Variants in PAX2 observed in about 807,000 individuals in gnomAD.
PAX2 encodes the protein paired box 2, also known as paired box protein Pax-2.
A neutral mutation model predicts 41.7 loss-of-function variants in PAX2; 9 were observed. That is an observed-to-expected ratio of 0.22 (90% CI 0.13 to 0.38). The LOEUF is 0.38. Among genes scored for constraint, PAX2 ranks in the 10% least tolerant of loss-of-function variants. The pLI, the probability that PAX2 is intolerant of heterozygous loss-of-function variation, is 1.00. For synonymous variants in PAX2, 221 were observed against 212.7 expected, an observed-to-expected ratio of 1.04 and a Z score of -0.34; for missense variants, 418 against 531.6, an observed-to-expected ratio of 0.79 and a Z score of 2.10.
intron 3 of PAX2, among the ~76,000 whole-genome samples, chr10:100,756,379 T>C (rs1258792034): frequency 2.0e-5 from 3 of 152,206 alleles, no homozygotes; most frequent in Non-Finnish European, 4.4e-5. Context: ...CTACCTGGAA[T>C]TGGAGTTTTT....
chr10:100,817,746 G>A (rs1848238935), intron 7 of PAX2, among the ~76,000 whole-genome samples: 1 of 152,212 alleles, frequency 6.6e-6, no homozygotes, highest in South Asian at 2.1e-4. Context: ...GGGGCTGTGG[G>A]CTGTCCCATA....
At chr10:100,790,547 G>A (rs1847067735) in intron 5 of PAX2, among the ~76,000 whole-genome samples, 1 of 152,222 alleles carries the variant, frequency 6.6e-6, no homozygotes, top group Admixed American at 6.5e-5. Context: ...AAGCAGGAAG[G>A]AGGAGATGAG....
Position 100,745,807 on chromosome 10 carries a change from T to A in PAX2, c.-454T>A. On this transcript the variant is annotated 5_prime_UTR_variant, in exon 1 of 10. Coordinates refer to ENST00000355243, the MANE Select transcript of PAX2 (RefSeq NM_000278.5). ...CCAACTTCGCCAACTCGCCAGCACT[T>A]GGAGAGGCCCGGCTCCCCTCCCGGC... 4.6e-6 allele frequency: 5 copies of A among 1,082,830 alleles called. No individual in the cohort carries two copies. Among genetic ancestry groups the A allele is most frequent in the Non-Finnish European group, 5.6e-6 (5 of 892,172 alleles). The allele number at this position is 1,082,830 out of a possible 1,614,324, so 67.1% of individuals were successfully genotyped here.
intron 5 of PAX2, among the ~76,000 whole-genome samples, chr10:100,782,213 C>T (rs1846661516): frequency 6.6e-6 from 1 of 152,104 alleles, no homozygotes; most frequent in South Asian, 2.1e-4. Flanking sequence ...GTGGTAACCT[C>T]CTGGCCTTCA....
intron 5 of PAX2, among the ~76,000 whole-genome samples, chr10:100,799,429 T>C (rs1209762280): frequency 6.6e-6 from 1 of 152,222 alleles, no homozygotes; most frequent in East Asian, 1.9e-4. Flanking sequence ...GCAAGCATTC[T>C]GTGAAGACTG....
At chr10:100,779,924 T>A (rs1409492616) in intron 4 of PAX2, among the ~76,000 whole-genome samples, 1 of 152,092 alleles carries the variant, frequency 6.6e-6, no homozygotes, top group Non-Finnish European at 1.5e-5. Context: ...TTCTCCAACA[T>A]CTTTTGTTTT....
chr10:100,785,468 T>C (rs1249208544), intron 5 of PAX2, among the ~76,000 whole-genome samples: 1 of 152,112 alleles, frequency 6.6e-6, no homozygotes, highest in East Asian at 1.9e-4. Context: ...TGCCATTGAG[T>C]GGTGCCAAGC....
chr10:100,748,593 G>A lies in PAX2; in HGVS notation c.44-1153G>A. On this transcript the variant is annotated intron_variant, in intron 1 of 9. Coordinates refer to ENST00000355243, the MANE Select transcript of PAX2 (RefSeq NM_000278.5). This position sits in a 1 kb window ranked among gnomAD's most constrained non-coding sequence, Gnocchi z 5.0. ...GGATTGCTCAGTACCTGCGGCTACG[G>A]GTTGATCGCTCTGGGTGCAGGATTT... 2.0e-6 allele frequency: 2 copies of A among 985,432 alleles called. No homozygotes were observed. The highest frequency in any genetic ancestry group is 2.4e-6 in the Non-Finnish European group (2 of 829,934). 61.0% of individuals were successfully genotyped at this position (985,432 alleles called of 1,614,324 possible). A position where few individuals can be genotyped will look rare whatever the true frequency, so the allele number is the denominator to read the frequency against.
intron 3 of PAX2, among the ~76,000 whole-genome samples, chr10:100,752,495 G>C (rs11190684): frequency 0.16 from 23,741 of 152,202 alleles, 2,367 homozygotes; most frequent in Middle Eastern, 0.32. Context: ...TCAGTCTCTT[G>C]GCTGATTGCT....
In PAX2 at chr10:100,817,549, G is replaced by A. The variant is rs555683494; in HGVS notation, c.920-7099G>A. Among the ~76,000 whole-genome samples the A allele has an allele frequency of 2.4e-4, 37 of 152,350 alleles. 1 individual carries two copies. The South Asian group carries it at 7.5e-3, about 31-fold the overall frequency. ...TGTCCGGCCGGTTGGCTGTCAAGGT[G>A]TAGACCTCACTAAGCCCCTGCAGAT... On this transcript the variant is annotated intron_variant, in intron 7 of 9. Transcript: ENST00000355243.
chr10:100,760,493 CT>C (rs1336278986), intron 3 of PAX2, among the ~76,000 whole-genome samples: 1 of 152,140 alleles, frequency 6.6e-6, no homozygotes, highest in Non-Finnish European at 1.5e-5. Flanking sequence ...GATGTGAACG[CT>C]TATGAGTAGT....
In PAX2 at chr10:100,775,576, A is replaced by C. The variant is rs143669123; in HGVS notation, c.411-3922A>C. ...TTTCCATCACTCGCTGCCTCAGCTA[A>C]ATTTGCGCCAGTGCCCTAGGGGTCA... is the stretch of plus-strand genomic sequence containing the variant. On this transcript the variant is annotated intron_variant, in intron 3 of 9. Transcript: ENST00000355243. Among the ~76,000 whole-genome samples the C allele has an allele frequency of 4.2e-3, 639 of 152,304 alleles. 1 individual carries two copies. The highest frequency in any genetic ancestry group is 7.2e-3 in the Non-Finnish European group (492 of 68,024).
At position 100,816,905 on chromosome 10, in the gene PAX2, T is replaced by C. The variant is rs1248592405; in HGVS notation, c.919+7669T>C. Among the ~76,000 whole-genome samples the C allele has an allele frequency of 2.0e-5, 3 of 152,278 alleles. 1 individual carries two copies. Among genetic ancestry groups the C allele is most frequent in the East Asian group, 3.9e-4 (2 of 5,178 alleles). On this transcript the variant is annotated intron_variant, in intron 7 of 9. Transcript: ENST00000355243. ...GCAGAGGCTTAAGTGGCCGTTTTCC[T>C]TGGGATTAGGGTTTCACTTACACAG...
intron 5 of PAX2, among the ~76,000 whole-genome samples, chr10:100,793,981 G>C (rs1217980474): frequency 6.6e-6 from 1 of 152,164 alleles, no homozygotes; most frequent in Non-Finnish European, 1.5e-5. Context: ...ATAGGAATCT[G>C]GGGAAATGGA....
chr10:100,764,637 G>C lies in PAX2; in HGVS notation c.410+13746G>C, dbSNP rs892585357. On this transcript the variant is annotated intron_variant, in intron 3 of 9. Transcript: ENST00000355243. ...TCTGACCATTGAGCAGAATTAGTCA[G>C]ATAATTGCCCCTTTGTCAACTTTGA... 5.3e-5 allele frequency among the ~76,000 whole-genome samples: 8 copies of C among 152,248 alleles called. 2 individuals carry two copies. The South Asian group carries it at 1.7e-3, about 32-fold the overall frequency.
intron 3 of PAX2, among the ~76,000 whole-genome samples, chr10:100,773,970 G>T (rs183640376): frequency 5.6e-4 from 85 of 152,250 alleles, no homozygotes; most frequent in African/African-American, 1.6e-3. Flanking sequence ...TAGCCACGGT[G>T]GGACTTCAGG....
chr10:100,812,200 T>C (rs1049315018), intron 7 of PAX2, among the ~76,000 whole-genome samples: 2 of 152,116 alleles, frequency 1.3e-5, no homozygotes, highest in African/African-American at 4.8e-5. Context: ...TTTTGCTGGG[T>C]AGTGTTTGCA....
At chr10:100,796,102 T>A (rs1271127634) in intron 5 of PAX2, among the ~76,000 whole-genome samples, 3 of 152,118 alleles carry the variant, frequency 2.0e-5, no homozygotes, top group Non-Finnish European at 4.4e-5. Context: ...GTATCCTGCA[T>A]AAGAGGAAAA....
rs528245248 is a variant in PAX2 at position 100,828,349 on chromosome 10, C to G, written c.*730C>G. The G allele has an allele frequency of 1.7e-4, 40 of 233,064 alleles. No homozygotes were observed. In the South Asian group the frequency reaches 6.7e-3, roughly 39 times the overall value. 14.4% of individuals were successfully genotyped at this position (233,064 alleles called of 1,614,324 possible). On this transcript the variant is annotated 3_prime_UTR_variant, in exon 10 of 10. Coordinates refer to ENST00000355243, the MANE Select transcript of PAX2 (RefSeq NM_000278.5). This position sits in a 1 kb window ranked among gnomAD's most constrained non-coding sequence, Gnocchi z 6.5. Reference sequence around the variant, plus strand: ...CAGCCCGCACCGATCGAGCCGGACTCTCGGCTCTTCACTGCTCCTCCTGGC... The same window carrying G: ...CAGCCCGCACCGATCGAGCCGGACTGTCGGCTCTTCACTGCTCCTCCTGGC...
Sources: allele counts gnomAD v4.1 joint callset (sites outside exome capture counted in the v4.1 genomes callset), GRCh38; gene constraint gnomAD v4.1.1; non-coding constraint Gnocchi (gnomAD v3.1); transcripts MANE v1.5; gene names NCBI Gene and HGNC (gene_info 2026-07-23, HGNC 2026-07-21).